CHD1L: variants seen among roughly 807,000 people sequenced by gnomAD.
CHD1L encodes ATP-dependent chromatin remodeler CHD1L.
CHD1L carries 118 observed loss-of-function variants against 115.9 expected under a neutral mutation model. The observed-to-expected ratio is 1.02, with a 90% CI of 0.88 to 1.19. The LOEUF (loss-of-function observed/expected upper bound fraction) is 1.19. CHD1L is among the 50% of genes most tolerant of loss of function. CHD1L has a pLI of 0.00. For missense variants in CHD1L, 1,179 were observed against 1,065.3 expected (o/e 1.11, Z -1.49); for synonymous variants, 411 against 387.1 (o/e 1.06, Z -0.72).
chr1:147,235,879 C>T, the CHD1L span, among the ~76,000 whole-genome samples: 3 of 152,146 alleles, frequency 2.0e-5, no homozygotes, highest in South Asian at 2.1e-4. Flanking sequence ...AGACAGAAAC[C>T]TCTGTGGCCA....
rs369745822 is a variant in CHD1L at position 147,249,488 on chromosome 1, C to T, written c.128-3135C>T. ...TGGCGCTATCTCAGCTCACTGCAAC[C>T]TCCGCCTCCTGGGTTCAAGCAATTT... On this transcript the variant is annotated intron_variant, in intron 1 of 22. Coordinates refer to ENST00000369258, the MANE Select transcript of CHD1L (RefSeq NM_004284.6). Among the ~76,000 whole-genome samples the T allele has an allele frequency of 4.7e-3, 664 of 142,270 alleles. 4 individuals carry two copies. Among genetic ancestry groups the T allele is most frequent in the African/African-American group, 0.016 (635 of 38,588 alleles). The allele number at this position is 142,270 out of a possible 152,430, so 93.3% of individuals were successfully genotyped here. A position where few individuals can be genotyped will look rare whatever the true frequency, so the allele number is the denominator to read the frequency against.
chr1:147,277,740 ATACCCT>A (rs587625681), intron 14 of CHD1L, among the ~76,000 whole-genome samples: 132 of 152,328 alleles, frequency 8.7e-4, no homozygotes, highest in African/African-American at 2.9e-3. Flanking sequence ...TACGCTGTAG[ATACCCT>A]TAAATGCAGT....
the CHD1L span, among the ~76,000 whole-genome samples, chr1:147,189,046 C>T: frequency 4.6e-5 from 7 of 152,098 alleles, no homozygotes; most frequent in East Asian, 1.9e-4. Flanking sequence ...GAGGCTGAGG[C>T]GGGCAGATCA....
rs1553967261 is a variant in CHD1L at position 147,287,734 on chromosome 1, G to T, written c.2320+1G>T. On this transcript the variant is annotated splice_donor_variant, in intron 19 of 22. Coordinates refer to ENST00000369258, the MANE Select transcript of CHD1L (RefSeq NM_004284.6). LOFTEE classifies it high-confidence loss of function. ...TATGAGCTGGCTGGGAAAATGAAAGGTAAGAAGCAAAGCAGAGGGAAAGGT... is the reference window on the plus strand; with the variant it reads ...TATGAGCTGGCTGGGAAAATGAAAGTTAAGAAGCAAAGCAGAGGGAAAGGT... 1 of 1,613,362 alleles carries T rather than the reference G, an allele frequency of 6.2e-7. No homozygotes were observed. Among genetic ancestry groups the T allele is most frequent in the Admixed American group, 1.7e-5 (1 of 59,988 alleles).
At chr1:147,224,069 C>T in the CHD1L span, 2 of 373,708 alleles carry the variant, frequency 5.4e-6, no homozygotes, top group East Asian at 1.8e-4. Flanking sequence ...CCTGCCTGCC[C>T]TGTGTCCCAA....
At chr1:147,207,520 C>A in the CHD1L span, among the ~76,000 whole-genome samples, 1 of 152,106 alleles carries the variant, frequency 6.6e-6, no homozygotes, top group Non-Finnish European at 1.5e-5. Context: ...TATAATCTGT[C>A]CTCTTTCTTC....
At chr1:147,243,517 T>G (rs1553932468) in intron 1 of CHD1L, among the ~76,000 whole-genome samples, 1 of 152,106 alleles carries the variant, frequency 6.6e-6, no homozygotes, top group African/African-American at 2.4e-5. Context: ...AGCGCGAACC[T>G]TGCATGCCCC....
At chr1:147,227,577 G>T in the CHD1L span, among the ~76,000 whole-genome samples, 1 of 152,140 alleles carries the variant, frequency 6.6e-6, no homozygotes, top group Admixed American at 6.5e-5. Flanking sequence ...CTGACAATTT[G>T]CAAGTAAGTC....
chr1:147,247,380 C>T (rs1553934327), intron 1 of CHD1L, among the ~76,000 whole-genome samples: 1 of 152,090 alleles, frequency 6.6e-6, no homozygotes, highest in Admixed American at 6.6e-5. Context: ...GAGCAGGGAG[C>T]AGAGAGAGTG....
At chr1:147,260,133 C>G (rs1671434446) in intron 6 of CHD1L, 3 of 416,826 alleles carry the variant, frequency 7.2e-6, no homozygotes, top group East Asian at 3.7e-5. Flanking sequence ...ACAGTTGTTG[C>G]AACTGATGAA....
chr1:147,179,411 A>G, the CHD1L span: 1 of 1,597,488 alleles, frequency 6.3e-7, no homozygotes, highest in South Asian at 1.1e-5. Context: ...GTCATAGCCA[A>G]GATGGATGCC....
the CHD1L span, chr1:147,203,501 C>T: frequency 3.5e-6 from 3 of 863,858 alleles, no homozygotes; most frequent in Non-Finnish European, 6.1e-6. Flanking sequence ...TTTTTATTTC[C>T]TTCTTGAGGT....
At chr1:147,270,689 C>T (rs991613757) in intron 10 of CHD1L, among the ~76,000 whole-genome samples, 1 of 152,134 alleles carries the variant, frequency 6.6e-6, no homozygotes. Context: ...ATTGACACGT[C>T]TCCTGGGAAT....
At chr1:147,288,372 A>G (rs934384775) in intron 19 of CHD1L, among the ~76,000 whole-genome samples, 14 of 149,770 alleles carry the variant, frequency 9.3e-5, no homozygotes, top group Admixed American at 6.7e-4. Context: ...TGGAATAAAC[A>G]TGAAGGAATA....
In CHD1L at chr1:147,293,855, C is replaced by G. The variant is rs56809699; in HGVS notation, c.2506+133C>G. The G allele has an allele frequency of 4.9e-3, 3,409 of 691,210 alleles. 107 individuals are homozygous for G. In the African/African-American group the frequency reaches 0.056, roughly 11 times the overall value. 42.8% of individuals were successfully genotyped at this position (691,210 alleles called of 1,614,324 possible). On this transcript the variant is annotated intron_variant, in intron 21 of 22. Coordinates refer to ENST00000369258, the MANE Select transcript of CHD1L (RefSeq NM_004284.6). The stretch of plus-strand genomic sequence containing the variant: ...TAAAGGCAAACCACAGAAGTGATCA[C>G]CCCACCGTCTTGTAGTCATATAGCC...
the CHD1L span, among the ~76,000 whole-genome samples, chr1:147,181,802 G>A: frequency 1.3e-5 from 2 of 152,152 alleles, no homozygotes; most frequent in Non-Finnish European, 2.9e-5. Flanking sequence ...TATAATGTTG[G>A]GCCATGCATT....
At chr1:147,204,132 A>G in the CHD1L span, 1 of 1,052,616 alleles carries the variant, frequency 9.5e-7, no homozygotes, top group Non-Finnish European at 1.5e-6. Flanking sequence ...CCCTTACTTA[A>G]ATTCATCAAT....
chr1:147,179,699 G>C, the CHD1L span: 4 of 800,240 alleles, frequency 5.0e-6, no homozygotes, highest in South Asian at 1.5e-5. Flanking sequence ...GGAGGACTAG[G>C]ACCCATATGG....
At chr1:147,293,437 G>A (rs1255412497) in intron 20 of CHD1L, among the ~76,000 whole-genome samples, 171 bp from the exon 21 acceptor site, 2 of 152,170 alleles carry the variant, frequency 1.3e-5, no homozygotes, top group Admixed American at 6.5e-5. Context: ...AATTATGACG[G>A]GATATGAAGT....
Sources: gnomAD v4.1 joint callset for allele counts (sites outside exome capture counted in the v4.1 genomes callset) on GRCh38, gnomAD v4.1.1 for gene constraint, MANE v1.5 for transcripts, NCBI Gene and HGNC (gene_info 2026-07-23, HGNC 2026-07-21) for gene names.